PPM1H: variants seen among roughly 807,000 people sequenced by gnomAD.
The protein encoded by PPM1H is protein phosphatase 1H.
In PPM1H, 27 loss-of-function variants were observed where a neutral mutation model predicts 54.9. The ratio of observed to expected loss-of-function variants is 0.49; its 90% CI spans 0.36 to 0.68. The LOEUF (loss-of-function observed/expected upper bound fraction) is 0.68, where lower values mean the gene tolerates loss of function less well. PPM1H is among the 30% of genes least tolerant of loss of function. The probability of loss-of-function intolerance (pLI) is 0.00; values close to 1 mark genes in which losing one functional copy is unlikely to be tolerated. For missense variants in PPM1H, 596 were observed against 667.8 expected, an observed-to-expected ratio of 0.89 and a Z score of 1.19; for synonymous variants, 305 against 270.8, an observed-to-expected ratio of 1.13 and a Z score of -1.24.
rs1281000151 is a variant in PPM1H, at chr12:62,899,753, C to G, written c.245+34739G>C. ...TCCTCACTAGGGTTTCATGCCAGCC[C>G]AACCCCATACGTTTGTAAAGCATTA... On this transcript the variant is annotated intron_variant, in intron 1 of 9. Coordinates refer to ENST00000228705, the MANE Select transcript of PPM1H (RefSeq NM_020700.2). Among the ~76,000 whole-genome samples, 4 of 152,210 alleles carry G rather than the reference C, an allele frequency of 2.6e-5. No homozygotes were observed. In the East Asian group the frequency reaches 7.7e-4, roughly 29 times the overall value.
At chr12:62,687,914 C>T (rs1238348603) in intron 8 of PPM1H, among the ~76,000 whole-genome samples, 16 of 149,146 alleles carry the variant, frequency 1.1e-4, no homozygotes, top group Admixed American at 6.8e-4. Flanking sequence ...GAGGCTGAGG[C>T]AGGAGCATCA....
chr12:62,772,172 T>C (rs1159342022), intron 4 of PPM1H, among the ~76,000 whole-genome samples: 2 of 152,262 alleles, frequency 1.3e-5, no homozygotes, highest in Non-Finnish European at 2.9e-5. Flanking sequence ...GTGCTTACTA[T>C]GTGCCAGGTA....
At chr12:62,686,974 G>T (rs1046982260) in intron 8 of PPM1H, among the ~76,000 whole-genome samples, 1 of 152,174 alleles carries the variant, frequency 6.6e-6, no homozygotes, top group Non-Finnish European at 1.5e-5. Context: ...CATATAATCT[G>T]AAGGGACAAA....
chr12:62,846,342 A>AAATTTTTTTTTTTTT, intron 1 of PPM1H, among the ~76,000 whole-genome samples: 3 of 152,066 alleles, frequency 2.0e-5, no homozygotes, highest in Non-Finnish European at 4.4e-5. Context: ...ACTAAAAAAA[A>AAATTTTTTTTTTTTT]TACAAAAATT....
intron 1 of PPM1H, among the ~76,000 whole-genome samples, chr12:62,892,222 T>C (rs1251085029): frequency 6.6e-6 from 1 of 152,186 alleles, no homozygotes; most frequent in Non-Finnish European, 1.5e-5. Context: ...TAGCTACAGT[T>C]CAAAGTCAGC....
intron 4 of PPM1H, among the ~76,000 whole-genome samples, chr12:62,784,646 T>C (rs117517282): frequency 0.017 from 2,612 of 152,342 alleles, 28 homozygotes; most frequent in Middle Eastern, 0.027. Flanking sequence ...AACTGAGCCC[T>C]GGGATTCCTG....
intron 2 of PPM1H, among the ~76,000 whole-genome samples, chr12:62,804,676 CTTTT>C (rs759291510): frequency 8.6e-6 from 1 of 116,190 alleles, no homozygotes; most frequent in Non-Finnish European, 1.8e-5. Flanking sequence ...CTTTTTTTTT[CTTTT>C]TTTTTTTTTT....
intron 1 of PPM1H, among the ~76,000 whole-genome samples, chr12:62,851,284 G>A (rs1416298646): frequency 6.6e-6 from 1 of 152,200 alleles, no homozygotes; most frequent in Non-Finnish European, 1.5e-5. Flanking sequence ...AAGGACACAG[G>A]AGTATGTTTG....
In PPM1H at chr12:62,934,220, T is replaced by G. The variant is rs1256623258; in HGVS notation, c.245+272A>C. The stretch of plus-strand genomic sequence containing the variant: ...GACAGAGACCCCGGATTCACAGACC[T>G]GTCTCACCTTAGCTTTCCCACGCTC... On this transcript the variant is annotated intron_variant, in intron 1 of 9. Coordinates refer to ENST00000228705, the MANE Select transcript of PPM1H (RefSeq NM_020700.2). The surrounding 1 kb of genome is among the most constrained non-coding windows in gnomAD (Gnocchi z 4.2). Among the ~76,000 whole-genome samples the G allele has an allele frequency of 6.6e-6, 1 of 152,194 alleles. No individual in the cohort carries two copies. The highest frequency in any genetic ancestry group is 1.5e-5 in the Non-Finnish European group (1 of 68,026).
rs2076423605 is a variant in PPM1H, at chr12:62,748,266, T to C, written c.870-10680A>G. Among the ~76,000 whole-genome samples, 3 of 150,832 alleles carry C rather than the reference T, an allele frequency of 2.0e-5. No homozygotes were observed. The South Asian group carries it at 6.3e-4, about 32-fold the overall frequency. On this transcript the variant is annotated intron_variant, in intron 4 of 9. Coordinates refer to ENST00000228705, the MANE Select transcript of PPM1H (RefSeq NM_020700.2). Reference sequence around the variant, plus strand: ...TCAAAAAAAAAAAAGAAAAAAAAAGTCCTCCAAGTAAGACAAAGGGCAGCG... The same window carrying C: ...TCAAAAAAAAAAAAGAAAAAAAAAGCCCTCCAAGTAAGACAAAGGGCAGCG...
At chr12:62,703,611 G>A (rs342178) in intron 6 of PPM1H, among the ~76,000 whole-genome samples, 3,392 of 152,068 alleles carry the variant, frequency 0.022, 135 homozygotes, top group African/African-American at 0.076. Context: ...CAGGAGGCCT[G>A]GGATGAAACA....
chr12:62,700,895 A>G (rs113739858), intron 6 of PPM1H, among the ~76,000 whole-genome samples: 3 of 152,294 alleles, frequency 2.0e-5, no homozygotes, highest in African/African-American at 7.2e-5. Flanking sequence ...CCTGTCCCCC[A>G]AATTTCCTAG....
intron 1 of PPM1H, among the ~76,000 whole-genome samples, chr12:62,886,746 C>T (rs958377007): frequency 2.6e-5 from 4 of 152,192 alleles, no homozygotes; most frequent in African/African-American, 9.6e-5. Context: ...AAATAGTTGT[C>T]ACATACAGAA....
chr12:62,658,035 A>G (rs2075855275), intron 9 of PPM1H, among the ~76,000 whole-genome samples: 2 of 128,288 alleles, frequency 1.6e-5, no homozygotes, highest in African/African-American at 3.0e-5. Flanking sequence ...AGGGAGACAG[A>G]GGGTCATTAA....
At chr12:62,892,177 A>G (rs989719123) in intron 1 of PPM1H, among the ~76,000 whole-genome samples, 1 of 152,218 alleles carries the variant, frequency 6.6e-6, no homozygotes, top group Non-Finnish European at 1.5e-5. Context: ...GTCTAAATTC[A>G]ACTTTTTTTC....
intron 2 of PPM1H, among the ~76,000 whole-genome samples, chr12:62,818,821 CT>C (rs771501305): frequency 0.022 from 2,991 of 135,714 alleles, 59 homozygotes; most frequent in African/African-American, 0.073. Context: ...TTTTCTTTTT[CT>C]TTTTTTTTTT....
At chr12:62,737,224 A>AC (rs1266598168) in intron 5 of PPM1H, among the ~76,000 whole-genome samples, 23 of 151,358 alleles carry the variant, frequency 1.5e-4, no homozygotes, top group South Asian at 6.3e-4. Flanking sequence ...CATTAAAAAA[A>AC]AAAAAAAACA....
chr12:62,728,433 TG>T (rs1175977906), intron 5 of PPM1H, among the ~76,000 whole-genome samples: 1 of 152,184 alleles, frequency 6.6e-6, no homozygotes, highest in Non-Finnish European at 1.5e-5. Context: ...TCTCTAGTCC[TG>T]AGCAGAAACT....
chr12:62,756,069 G>A, intron 4 of PPM1H: 7 of 1,173,438 alleles, frequency 6.0e-6, no homozygotes, highest in Admixed American at 1.7e-5. Context: ...GCACCAGGTT[G>A]TCTCCTCTGA....
Sources: gnomAD v4.1 joint callset for allele counts (sites outside exome capture counted in the v4.1 genomes callset) on GRCh38, gnomAD v4.1.1 for gene constraint, Gnocchi (gnomAD v3.1) non-coding constraint, MANE v1.5 for transcripts, NCBI Gene and HGNC (gene_info 2026-07-23, HGNC 2026-07-21) for gene names.